The following ENOX1 variants were observed in gnomAD, a reference collection of about 807,000 sequenced individuals.
The protein encoded by ENOX1 is candidate growth-related and time keeping constitutive hydroquinone (NADH) oxidase.
In ENOX1, 42 loss-of-function variants were observed where a neutral mutation model predicts 82.5. The ratio of observed to expected loss-of-function variants is 0.51; its 90% CI spans 0.40 to 0.66. The LOEUF is 0.66. Among genes scored for constraint, ENOX1 ranks in the 30% least tolerant of loss-of-function variants. The pLI, the probability that ENOX1 is intolerant of heterozygous loss-of-function variation, is 0.00. For missense variants in ENOX1, 608 were observed against 811.6 expected (o/e 0.75, Z 3.05); for synonymous variants, 271 against 282.2 (o/e 0.96, Z 0.40).
chr13:43,441,099 C>A (rs937620452), intron 3 of ENOX1, among the ~76,000 whole-genome samples: 1 of 152,166 alleles, frequency 6.6e-6, no homozygotes, highest in Non-Finnish European at 1.5e-5. Context: ...GACTGAAGAT[C>A]TGTCCTACTG....
chr13:43,273,600 G>C (rs2044824516), intron 12 of ENOX1, among the ~76,000 whole-genome samples: 1 of 152,102 alleles, frequency 6.6e-6, no homozygotes, highest in Non-Finnish European at 1.5e-5. Flanking sequence ...ACTGAAAAGA[G>C]CCCCATCCTC....
intron 12 of ENOX1, among the ~76,000 whole-genome samples, chr13:43,271,396 A>T (rs923703195): frequency 2.0e-5 from 3 of 152,174 alleles, no homozygotes; most frequent in Admixed American, 2.0e-4. Context: ...ACTTTGCAGC[A>T]TATTCATAGG....
intron 1 of ENOX1, among the ~76,000 whole-genome samples, chr13:43,683,923 C>T (rs914594113): frequency 5.3e-5 from 8 of 151,934 alleles, no homozygotes; most frequent in Non-Finnish European, 1.0e-4. Flanking sequence ...CATATTCTGC[C>T]TCCATAGATT....
intron 2 of ENOX1, among the ~76,000 whole-genome samples, chr13:43,499,297 T>A (rs1219862306): frequency 6.6e-6 from 1 of 151,994 alleles, no homozygotes; most frequent in Non-Finnish European, 1.5e-5. Context: ...AAGAGTAAAG[T>A]ATAGACTATA....
At chr13:43,658,775 C>A (rs567904741) in intron 2 of ENOX1, among the ~76,000 whole-genome samples, 208 of 152,278 alleles carry the variant, frequency 1.4e-3, no homozygotes, top group African/African-American at 4.9e-3. Flanking sequence ...CCTGTGAATT[C>A]TTTTCGCCTC....
chr13:43,610,078 TG>T (rs2082134050), intron 2 of ENOX1, among the ~76,000 whole-genome samples: 1 of 152,242 alleles, frequency 6.6e-6, no homozygotes, highest in Non-Finnish European at 1.5e-5. Context: ...CAAATTTATA[TG>T]GCAGATTTCC....
chr13:43,627,963 G>A (rs1344543577), intron 2 of ENOX1, among the ~76,000 whole-genome samples: 4 of 151,936 alleles, frequency 2.6e-5, no homozygotes, highest in South Asian at 2.1e-4. Context: ...TTGTTTCTCA[G>A]GAGAAACACG....
intron 3 of ENOX1, among the ~76,000 whole-genome samples, chr13:43,421,331 G>GTCC (rs1380921150): frequency 3.9e-5 from 6 of 152,194 alleles, no homozygotes; most frequent in African/African-American, 1.4e-4. Flanking sequence ...ACAACAGACA[G>GTCC]TCCTCAAATG....
intron 2 of ENOX1, among the ~76,000 whole-genome samples, chr13:43,555,777 A>T (rs960421150): frequency 1.3e-5 from 2 of 152,240 alleles, no homozygotes; most frequent in African/African-American, 4.8e-5. Context: ...AAGAGTTTAG[A>T]ATCATTAGTG....
At chr13:43,404,827 A>G (rs1036248972) in intron 5 of ENOX1, among the ~76,000 whole-genome samples, 1 of 152,234 alleles carries the variant, frequency 6.6e-6, no homozygotes, top group Non-Finnish European at 1.5e-5. Flanking sequence ...TGTCACAAGT[A>G]CATGAAATCA....
In ENOX1 at chr13:43,499,968, C is replaced by G. The variant is rs1028353512; in HGVS notation, c.-218-15816G>C. On this transcript the variant is annotated intron_variant, in intron 2 of 16. Transcript: ENST00000690772. ...CTAAAAAATTAAACGGTTTCAACAG[C>G]AGATTCAATCAAGCAGAAGAAAGAA... Among the ~76,000 whole-genome samples, 8 of 151,962 alleles carry G rather than the reference C, an allele frequency of 5.3e-5. No individual in the cohort carries two copies. In the East Asian group the frequency reaches 1.6e-3, roughly 30 times the overall value.
chr13:43,523,751 G>T (rs563162015), intron 2 of ENOX1, among the ~76,000 whole-genome samples: 1 of 152,152 alleles, frequency 6.6e-6, no homozygotes, highest in African/African-American at 2.4e-5. Context: ...AGAATGACCT[G>T]CTTGCTCTCT....
At chr13:43,760,151 A>G (rs1186452050) in intron 1 of ENOX1, among the ~76,000 whole-genome samples, 1 of 152,198 alleles carries the variant, frequency 6.6e-6, no homozygotes, top group East Asian at 1.9e-4. Context: ...TTTTCATTAG[A>G]TAATGAAAAG....
Position 43,616,099 on chromosome 13 carries a change from T to G in ENOX1, c.-219+51380A>C, listed in dbSNP as rs559318717. Among the ~76,000 whole-genome samples, 35 of 74,092 alleles carry G rather than the reference T, an allele frequency of 4.7e-4. 1 individual carries two copies. The highest frequency in any genetic ancestry group is 9.2e-4 in the African/African-American group (23 of 25,094). 48.6% of individuals were successfully genotyped at this position (74,092 alleles called of 152,430 possible). ...GTTTGACATTATATATATATATCTATATAGATAGATATCTATAGATCTATA... is the reference window on the plus strand; with the variant it reads ...GTTTGACATTATATATATATATCTAGATAGATAGATATCTATAGATCTATA... On this transcript the variant is annotated intron_variant, in intron 2 of 16. Coordinates refer to ENST00000690772, the MANE Select transcript of ENOX1 (RefSeq NM_001347969.2).
At chr13:43,647,266 A>C (rs1385133957) in intron 2 of ENOX1, among the ~76,000 whole-genome samples, 1 of 152,210 alleles carries the variant, frequency 6.6e-6, no homozygotes, top group Non-Finnish European at 1.5e-5. Context: ...TAAAATGGGG[A>C]TAATAATAGT....
chr13:43,354,285 C>T (rs2050001403), intron 8 of ENOX1, among the ~76,000 whole-genome samples: 1 of 152,154 alleles, frequency 6.6e-6, no homozygotes, highest in African/African-American at 2.4e-5. Flanking sequence ...AAGGCACAGC[C>T]ATGGCCTATG....
intron 2 of ENOX1, among the ~76,000 whole-genome samples, chr13:43,572,309 G>C (rs1462854728): frequency 6.6e-6 from 1 of 152,170 alleles, no homozygotes; most frequent in Non-Finnish European, 1.5e-5. Flanking sequence ...GCAAATGCTA[G>C]GAATTGTTTG....
chr13:43,434,116 A>T (rs1049010093), intron 3 of ENOX1, among the ~76,000 whole-genome samples: 1 of 152,170 alleles, frequency 6.6e-6, no homozygotes, highest in Admixed American at 6.5e-5. Context: ...GTTCAGATTC[A>T]TGCCTCCTTT....
At chr13:43,466,005 T>C (rs891321165) in intron 3 of ENOX1, among the ~76,000 whole-genome samples, 1 of 152,182 alleles carries the variant, frequency 6.6e-6, no homozygotes, top group African/African-American at 2.4e-5. Context: ...ATCAAATCAT[T>C]TCATGTTTCT....
Sources: gnomAD v4.1 joint callset for allele counts (sites outside exome capture counted in the v4.1 genomes callset) on GRCh38, gnomAD v4.1.1 for gene constraint, MANE v1.5 for transcripts, NCBI Gene and HGNC (gene_info 2026-07-23, HGNC 2026-07-21) for gene names.